The following BRSK2 variants were observed in gnomAD, a reference collection of about 807,000 sequenced individuals.
BRSK2 encodes the protein serine/threonine-protein kinase BRSK2.
Under a neutral mutation model 83.3 loss-of-function variants are expected in BRSK2, and 19 were observed. The observed-to-expected ratio is 0.23, with a 90% CI of 0.16 to 0.33. The LOEUF (loss-of-function observed/expected upper bound fraction) is 0.33. BRSK2 is among the 10% of genes least tolerant of loss of function. The probability of loss-of-function intolerance (pLI) is 1.00; values close to 1 mark genes in which losing one functional copy is unlikely to be tolerated. For synonymous variants in BRSK2, 519 were observed against 435.4 expected, an observed-to-expected ratio of 1.19 and a Z score of -2.39; for missense variants, 798 against 1,042.3, an observed-to-expected ratio of 0.77 and a Z score of 3.23.
chr11:1,448,092 T>C lies in BRSK2; in HGVS notation c.1227-1684T>C, dbSNP rs553258289. On this transcript the variant is annotated intron_variant, in intron 12 of 19. Transcript: ENST00000528841. ...CCTGCCTGTGAGGGACCACGCACCA[T>C]GGCTTACAGGGCCTGGGGCTAGAGC... 3.9e-5 allele frequency among the ~76,000 whole-genome samples: 6 copies of C among 152,182 alleles called. No homozygotes were observed. The South Asian group carries it at 6.2e-4, about 16-fold the overall frequency.
In BRSK2 at chr11:1,454,371, TTTC is replaced by T; in HGVS notation, c.1545-112_1545-110del. ...CTGGCTAGCACTGTGGAGACAGCCG[TTTC>T]TATCACGAAGCGATGGAAGATTCCG... On this transcript the variant is annotated intron_variant, in intron 15 of 19. Transcript: ENST00000528841. This position sits in a 1 kb window ranked among gnomAD's most constrained non-coding sequence, Gnocchi z 5.2. The T allele has an allele frequency of 7.7e-7, 1 of 1,300,920 alleles. No individual in the cohort carries two copies. The highest frequency in any genetic ancestry group is 1.3e-5 in the South Asian group (1 of 76,754). The allele number at this position is 1,300,920 out of a possible 1,614,324, so 80.6% of individuals were successfully genotyped here.
rs1189557307 is a variant in BRSK2, at chr11:1,450,813, G to A, written c.1495+19G>A. 1.0e-5 allele frequency: 16 copies of A among 1,579,814 alleles called. No homozygotes were observed. The highest frequency in any genetic ancestry group is 1.4e-5 in the African/African-American group (1 of 73,060). ...CTGCAAGGTGAGTGTCTGCCCGGAGGCGCCAGAGTGGGGCTGGGAGAGAGC... is the reference window on the plus strand; with the variant it reads ...CTGCAAGGTGAGTGTCTGCCCGGAGACGCCAGAGTGGGGCTGGGAGAGAGC... On this transcript the variant is annotated intron_variant, in intron 14 of 19. Coordinates refer to ENST00000528841, the MANE Select transcript of BRSK2 (RefSeq NM_001256627.2).
chr11:1,447,524 G>T (rs1319714900), intron 12 of BRSK2, among the ~76,000 whole-genome samples: 1 of 152,194 alleles, frequency 6.6e-6, no homozygotes, highest in African/African-American at 2.4e-5. Flanking sequence ...TGTGCAGCCA[G>T]CAGAGACCCA....
Position 1,445,357 on chromosome 11 carries a change from G to A in BRSK2, c.876G>A (p.Leu292=). ...CTCGCAAGGTGCAGATCCGCTCGCT[G>A]CCCAGCCTGGAGGACATCGACCCCG... ...PIPRKVQIRS[L]PSLEDIDPDV... is the part of the protein sequence containing the mutation. The change falls in exon 10 of 20, where the codon CTG becomes CTA. Residue 292 remains leucine, a synonymous_variant. Coordinates refer to ENST00000528841, the MANE Select transcript of BRSK2 (RefSeq NM_001256627.2). 6.2e-7 allele frequency: 1 copy of A among 1,611,812 alleles called. No homozygotes were observed. The highest frequency in any genetic ancestry group is 8.5e-7 in the Non-Finnish European group (1 of 1,179,578).
intron 1 of BRSK2, among the ~76,000 whole-genome samples, chr11:1,406,091 C>T (rs1039605480): frequency 2.0e-5 from 3 of 152,126 alleles, no homozygotes; most frequent in Non-Finnish European, 2.9e-5. Flanking sequence ...CAGGGTGTCC[C>T]TCGGCCAGCG....
chr11:1,414,580 G>A (rs1201170725), intron 1 of BRSK2, among the ~76,000 whole-genome samples: 3 of 152,224 alleles, frequency 2.0e-5, no homozygotes, highest in Non-Finnish European at 4.4e-5. Flanking sequence ...TTAGTGTAGG[G>A]TGATAAAAAG....
chr11:1,456,200 A>G, intron 16 of BRSK2, 148 bp from the exon 17 acceptor site: 1 of 853,816 alleles, frequency 1.2e-6, no homozygotes. Flanking sequence ...AGCCGTCTCC[A>G]ACCGCACTGT....
intron 1 of BRSK2, among the ~76,000 whole-genome samples, chr11:1,435,708 G>A (rs1228948608): frequency 6.6e-6 from 1 of 151,618 alleles, no homozygotes. Context: ...CAGGCACCTC[G>A]AGGGCACCCT....
rs1590679733 is a variant in BRSK2, at chr11:1,454,267, T to G, written c.1545-218T>G. 2.0e-6 allele frequency: 1 copy of G among 502,800 alleles called. No homozygotes were observed. The highest frequency in any genetic ancestry group is 3.3e-5 in the Admixed American group (1 of 30,026). The allele number at this position is 502,800 out of a possible 1,614,324, so 31.1% of individuals were successfully genotyped here. On this transcript the variant is annotated intron_variant, in intron 15 of 19. Coordinates refer to ENST00000528841, the MANE Select transcript of BRSK2 (RefSeq NM_001256627.2). This position sits in a 1 kb window ranked among gnomAD's most constrained non-coding sequence, Gnocchi z 5.2. ...GTTAGGGCTTGGAGAAAGGTTAGGG[T>G]TGGGGTTGGGGTTAGAGCCACGGTG...
chr11:1,396,449 C>T (rs927518769), intron 1 of BRSK2, among the ~76,000 whole-genome samples: 1 of 152,206 alleles, frequency 6.6e-6, no homozygotes, highest in Non-Finnish European at 1.5e-5. Flanking sequence ...GCCCTCTCAT[C>T]ATGGCCTCAC....
chr11:1,416,372 G>T (rs982052265), intron 1 of BRSK2, among the ~76,000 whole-genome samples: 2 of 152,126 alleles, frequency 1.3e-5, no homozygotes, highest in Admixed American at 6.5e-5. Flanking sequence ...CCGCTGTTTT[G>T]CAGGGTCAGT....
chr11:1,434,095 A>G (rs1242123304), intron 1 of BRSK2, among the ~76,000 whole-genome samples: 1 of 152,264 alleles, frequency 6.6e-6, no homozygotes, highest in Non-Finnish European at 1.5e-5. Flanking sequence ...GCAAATTGGT[A>G]AGAAAATGCA....
In BRSK2 at chr11:1,390,525, C is replaced by T; in HGVS notation, c.91+150C>T. The T allele has an allele frequency of 4.3e-6, 1 of 235,230 alleles. No homozygotes were observed. The highest frequency in any genetic ancestry group is 6.8e-6 in the Non-Finnish European group (1 of 147,042). The allele number at this position is 235,230 out of a possible 1,614,324, so 14.6% of individuals were successfully genotyped here. Reference sequence around the variant, plus strand: ...AATGGGCGGCCCGTGCGCCCCCGTCCGCTCGTGCGCCCCGGTTCCGCCGCG... The same window carrying T: ...AATGGGCGGCCCGTGCGCCCCCGTCTGCTCGTGCGCCCCGGTTCCGCCGCG... On this transcript the variant is annotated intron_variant, in intron 1 of 19. Coordinates refer to ENST00000528841, the MANE Select transcript of BRSK2 (RefSeq NM_001256627.2). The surrounding 1 kb of genome is among the most constrained non-coding windows in gnomAD (Gnocchi z 6.8).
At chr11:1,447,597 G>A (rs1852326529) in intron 12 of BRSK2, among the ~76,000 whole-genome samples, 1 of 152,090 alleles carries the variant, frequency 6.6e-6, no homozygotes, top group African/African-American at 2.4e-5. Context: ...GGGGGCTGGG[G>A]TGGGGGCTAC....
chr11:1,448,455 C>T (rs1046083232), intron 12 of BRSK2, among the ~76,000 whole-genome samples: 1 of 152,220 alleles, frequency 6.6e-6, no homozygotes, highest in Non-Finnish European at 1.5e-5. Context: ...TCAGGGCTGG[C>T]GCCGTCTCTC....
At chr11:1,459,081 T>A in intron 18 of BRSK2, 111 bp from the exon 19 acceptor site, 134 of 574,216 alleles carry the variant, frequency 2.3e-4, no homozygotes, top group East Asian at 5.3e-4. Context: ...TCTGGGGCCC[T>A]ACCCACTCCT....
Position 1,445,915 on chromosome 11 carries a change from T to C in BRSK2, c.1226+8T>C, listed in dbSNP as rs557553708. 1.9e-6 allele frequency: 3 copies of C among 1,600,966 alleles called. No homozygotes were observed. The African/African-American group carries it at 4.0e-5, about 21-fold the overall frequency. On this transcript the variant is annotated splice_region_variant and intron_variant, in intron 12 of 19. Transcript: ENST00000528841. ...GGCCCAGCACGGCCAGAGGTGTGTG[T>C]GCCCCGAGGCTGCTGGGCCTCCCTC...
At position 1,456,413 on chromosome 11, in the gene BRSK2, G is replaced by C; in HGVS notation, c.1734G>C (p.Gly578=). 1 of 1,600,812 alleles carries C rather than the reference G, an allele frequency of 6.2e-7. No homozygotes were observed. The highest frequency in any genetic ancestry group is 1.3e-5 in the African/African-American group (1 of 74,598). ...TCCGGGCCGAGTACAAGGCCACGGG[G>C]GGGCCAGCCGTGTTCCAGAAGCCGG... is the stretch of plus-strand genomic sequence containing the variant. ...TSFRAEYKAT[G]GPAVFQKPVK... Residue 578 remains glycine (G), a synonymous_variant, in exon 17 of 20, where the codon GGG becomes GGC. Transcript: ENST00000528841.
chr11:1,456,247 A>G, intron 16 of BRSK2, 101 bp from the exon 17 acceptor site: 1 of 1,221,686 alleles, frequency 8.2e-7, no homozygotes, highest in South Asian at 1.6e-5. Flanking sequence ...GGTGCTCACA[A>G]TGTGTGCACG....
Sources: allele counts gnomAD v4.1 joint callset (sites outside exome capture counted in the v4.1 genomes callset), GRCh38; gene constraint gnomAD v4.1.1; non-coding constraint Gnocchi (gnomAD v3.1); transcripts MANE v1.5; gene names NCBI Gene and HGNC (gene_info 2026-07-23, HGNC 2026-07-21).